Variants in HMG20A observed in about 807,000 individuals in gnomAD.
The protein encoded by HMG20A is high mobility group protein 20A.
HMG20A carries 17 observed loss-of-function variants against 43.9 expected under a neutral mutation model. That is an observed-to-expected ratio of 0.39 (90% confidence interval 0.27 to 0.58). The LOEUF (loss-of-function observed/expected upper bound fraction) is 0.58, where lower values mean the gene tolerates loss of function less well. Ranked by LOEUF, HMG20A falls within the 20% of genes least tolerant of loss-of-function variation. HMG20A has a pLI of 0.59. For synonymous variants in HMG20A, 132 were observed against 147.5 expected (o/e 0.89, Z 0.76); for missense variants, 341 against 438.2 (o/e 0.78, Z 1.98).
intron 1 of HMG20A, among the ~76,000 whole-genome samples, chr15:77,432,596 C>G (rs1227909833): frequency 1.3e-5 from 2 of 151,708 alleles, no homozygotes; most frequent in Non-Finnish European, 2.9e-5. Context: ...GTGGCAGGTG[C>G]CTGTAATCCC....
In HMG20A at chr15:77,484,322, ATTGTTTTTGTTT is replaced by A. The variant is rs369180710; in HGVS notation, c.*1373_*1384del. The A allele has an allele frequency of 3.9e-5, 6 of 152,504 alleles. No individual in the cohort carries two copies. The highest frequency in any genetic ancestry group is 2.1e-4 in the South Asian group (1 of 4,820). 9.4% of individuals were successfully genotyped at this position (152,504 alleles called of 1,614,324 possible). A position where few individuals can be genotyped will look rare whatever the true frequency, so the allele number is the denominator to read the frequency against. ...TTACCTCAGGGTTTTTTGGTTGTTC[ATTGTTTTTGTTT>A]TTGTTTTTGTTTTGACACTGCAGAG... On this transcript the variant is annotated 3_prime_UTR_variant, in exon 10 of 10. Transcript: ENST00000336216.
the HMG20A span, among the ~76,000 whole-genome samples, chr15:77,509,474 T>G: frequency 6.6e-6 from 1 of 151,684 alleles, no homozygotes; most frequent in Non-Finnish European, 1.5e-5. Flanking sequence ...AGGCTGATCT[T>G]GAAATCCTGA....
intron 1 of HMG20A, among the ~76,000 whole-genome samples, chr15:77,442,870 G>T (rs1295245818): frequency 6.6e-6 from 1 of 152,008 alleles, no homozygotes; most frequent in African/African-American, 2.4e-5. Context: ...AGTATTGCAT[G>T]TGAAATTAAA....
the HMG20A span, among the ~76,000 whole-genome samples, chr15:77,497,599 G>C: frequency 3.3e-5 from 5 of 152,156 alleles, no homozygotes; most frequent in Admixed American, 2.0e-4. Flanking sequence ...CAGCACAGCA[G>C]TGGGTCTGGG....
At chr15:77,465,260 C>CAAAAAAAAAAAAAAAAAAAAAAAAAAAA (rs71145837) in intron 3 of HMG20A, among the ~76,000 whole-genome samples, 1 of 59,188 alleles carries the variant, frequency 1.7e-5, no homozygotes, top group Non-Finnish European at 2.7e-5. Context: ...GACTTCGTCT[C>CAAAAAAAAAAAAAAAAAAAAAAAAAAAA]AAAAAAAAAA....
chr15:77,452,559 C>T (rs2072613834), intron 1 of HMG20A, among the ~76,000 whole-genome samples: 1 of 152,100 alleles, frequency 6.6e-6, no homozygotes, highest in Non-Finnish European at 1.5e-5. Flanking sequence ...CAACAAATGG[C>T]AGTTGCAGAG....
chr15:77,498,104 C>G, the HMG20A span, among the ~76,000 whole-genome samples: 2 of 152,168 alleles, frequency 1.3e-5, no homozygotes, highest in Non-Finnish European at 1.5e-5. Flanking sequence ...CCCTCCTCTG[C>G]TGGAGAAAGT....
rs776151929 is a variant in HMG20A, at chr15:77,479,287, G to A, written c.1016G>A (p.Arg339Gln). ...AATGAAAACTTCATAGCTACAGTTCGAGAAGTTGTGAACAGACTCGATCGT... is the reference window on the plus strand; with the variant it reads ...AATGAAAACTTCATAGCTACAGTTCAAGAAGTTGTGAACAGACTCGATCGT... ...QDNENFIATV[R>Q]EVVNRLDR Residue 339 changes from arginine (R) to glutamine (Q), a missense_variant, in exon 9 of 10, where the codon CGA becomes CAA. By Grantham distance (43) the Arg-to-Gln change is conservative (BLOSUM62 1). Transcript: ENST00000336216. The A allele has an allele frequency of 1.3e-5, 21 of 1,614,070 alleles. No homozygotes were observed. The highest frequency in any genetic ancestry group is 1.2e-4 in the South Asian group (11 of 91,072).
At chr15:77,437,072 T>C (rs140819439) in intron 1 of HMG20A, among the ~76,000 whole-genome samples, 1 of 152,330 alleles carries the variant, frequency 6.6e-6, no homozygotes, top group African/African-American at 2.4e-5. Context: ...CAGTATGCAA[T>C]GTGCCTACTT....
the HMG20A span, among the ~76,000 whole-genome samples, chr15:77,502,480 T>C: frequency 6.6e-6 from 1 of 152,332 alleles, no homozygotes. Context: ...TGGTTTCTCG[T>C]CCTTCTCCAA....
At chr15:77,489,217 T>C (rs973269911), downstream of HMG20A, among the ~76,000 whole-genome samples, 1 of 152,250 alleles carries the variant, frequency 6.6e-6, no homozygotes, top group Non-Finnish European at 1.5e-5. Context: ...ACATATACCA[T>C]AGGCCACTCT....
chr15:77,434,827 T>A (rs2073528952), intron 1 of HMG20A, among the ~76,000 whole-genome samples: 1 of 152,154 alleles, frequency 6.6e-6, no homozygotes, highest in African/African-American at 2.4e-5. Flanking sequence ...GGAAAACAAT[T>A]TGGCCGTATA....
At chr15:77,439,419 A>G (rs757461852) in intron 1 of HMG20A, among the ~76,000 whole-genome samples, 3 of 152,130 alleles carry the variant, frequency 2.0e-5, no homozygotes, top group Non-Finnish European at 2.9e-5. Context: ...ACGAGAGATA[A>G]CCACTATTCT....
At chr15:77,477,969 C>T (rs1157821086) in intron 7 of HMG20A, among the ~76,000 whole-genome samples, 1 of 152,148 alleles carries the variant, frequency 6.6e-6, no homozygotes, top group Non-Finnish European at 1.5e-5. Context: ...TGGCCAGTCT[C>T]CCAGGATCCC....
At chr15:77,465,196 G>A (rs1436824947) in intron 3 of HMG20A, among the ~76,000 whole-genome samples, 2 of 145,896 alleles carry the variant, frequency 1.4e-5, no homozygotes, top group Non-Finnish European at 3.0e-5. Context: ...CGGAGGCAGA[G>A]GTTGCAGTGA....
the HMG20A span, among the ~76,000 whole-genome samples, chr15:77,510,892 C>G: frequency 6.6e-6 from 1 of 152,246 alleles, no homozygotes; most frequent in Non-Finnish European, 1.5e-5. Context: ...CATCTGCAAA[C>G]TTCTTCAAGA....
chr15:77,432,691 C>T (rs1213808136), intron 1 of HMG20A, among the ~76,000 whole-genome samples: 1 of 129,056 alleles, frequency 7.7e-6, no homozygotes, highest in Non-Finnish European at 1.6e-5. Flanking sequence ...CATTGCACTC[C>T]AACCTGGGCA....
In HMG20A at chr15:77,458,387, T is replaced by G; in HGVS notation, c.-4-17T>G. The G allele has an allele frequency of 6.4e-7, 1 of 1,569,692 alleles. No homozygotes were observed. Among genetic ancestry groups the G allele is most frequent in the Non-Finnish European group, 8.7e-7 (1 of 1,144,238 alleles). On this transcript the variant is annotated splice_polypyrimidine_tract_variant and intron_variant, in intron 1 of 9. Coordinates refer to ENST00000336216, the MANE Select transcript of HMG20A (RefSeq NM_001304504.2). ...TAATTAAGCCATTAATTTTTTTTTA[T>G]TCTCTTTTCCTTTCAGAGAGATGGA...
chr15:77,475,718 G>T (rs767629111), intron 6 of HMG20A, among the ~76,000 whole-genome samples: 7 of 152,200 alleles, frequency 4.6e-5, no homozygotes, highest in Non-Finnish European at 1.0e-4. Flanking sequence ...ATTAAGTTTT[G>T]TTTTCCTGCA....
Sources: gnomAD v4.1 joint callset for allele counts (sites outside exome capture counted in the v4.1 genomes callset) on GRCh38, gnomAD v4.1.1 for gene constraint, MANE v1.5 for transcripts, NCBI Gene and HGNC (gene_info 2026-07-23, HGNC 2026-07-21) for gene names.